Variants in NUP188 observed in about 807,000 individuals in gnomAD.
NUP188 encodes nucleoporin 188, also known as nucleoporin NUP188.
A neutral mutation model predicts 223.0 loss-of-function variants in NUP188; 97 were observed. That is an observed-to-expected ratio of 0.43 (90% CI 0.37 to 0.51). NUP188 has a LOEUF of 0.51. NUP188 is among the 20% of genes least tolerant of loss of function. The pLI is 0.00. For missense variants in NUP188, 1,947 were observed against 2,175.6 expected, an observed-to-expected ratio of 0.89 and a Z score of 2.09; for synonymous variants, 869 against 828.0, an observed-to-expected ratio of 1.05 and a Z score of -0.85.
At chr9:128,963,855 C>T (rs1841990587) in intron 8 of NUP188, among the ~76,000 whole-genome samples, 1 of 151,004 alleles carries the variant, frequency 6.6e-6, no homozygotes, top group African/African-American at 2.4e-5. Context: ...CTCACACTGT[C>T]GCCCAGGGTG....
chr9:128,955,922 CA>C (rs1841862271), intron 3 of NUP188, among the ~76,000 whole-genome samples: 1 of 151,624 alleles, frequency 6.6e-6, no homozygotes, highest in Non-Finnish European at 1.5e-5. Flanking sequence ...GTATGTATGC[CA>C]CAGACCTGGT....
Position 129,006,140 on chromosome 9 carries a change from G to A in NUP188, c.4943+17G>A. On this transcript the variant is annotated intron_variant, in intron 42 of 43. Coordinates refer to ENST00000372577, the MANE Select transcript of NUP188 (RefSeq NM_015354.3). ...GACGTTAAAGTAAGTGCTCTTTCTG[G>A]GATTTGATAAGGGGCTGGGGCAGTC... The A allele has an allele frequency of 6.2e-7, 1 of 1,614,148 alleles. No individual in the cohort carries two copies. Among genetic ancestry groups the A allele is most frequent in the Non-Finnish European group, 8.5e-7 (1 of 1,180,020 alleles).
intron 6 of NUP188, among the ~76,000 whole-genome samples, chr9:128,958,445 G>A (rs898546965): frequency 1.1e-4 from 16 of 152,124 alleles, no homozygotes; most frequent in Admixed American, 7.9e-4. Context: ...GTGAGAATAA[G>A]TACATTAGTT....
chr9:128,952,207 G>A (rs1187665154), intron 2 of NUP188, among the ~76,000 whole-genome samples: 1 of 152,012 alleles, frequency 6.6e-6, no homozygotes, highest in African/African-American at 2.4e-5. Context: ...GACCAGCTTG[G>A]ACAATATGGT....
At chr9:128,995,121 C>CA in intron 29 of NUP188, 198 bp downstream of exon 29, 2 of 635,766 alleles carry the variant, frequency 3.1e-6, no homozygotes, top group Non-Finnish European at 5.5e-6. Flanking sequence ...TATTGTGAAG[C>CA]AAACTCCATG....
intron 32 of NUP188, 143 bp downstream of exon 32, chr9:128,998,766 G>GGT (rs1842577544): frequency 1.5e-6 from 1 of 683,550 alleles, no homozygotes; most frequent in African/African-American, 1.7e-5. Context: ...CAGATAGGAG[G>GGT]GTGAGGCAGA....
intron 24 of NUP188, among the ~76,000 whole-genome samples, chr9:128,988,758 G>C (rs1428330672): frequency 1.9e-5 from 2 of 108,054 alleles, no homozygotes; most frequent in Non-Finnish European, 3.5e-5. Context: ...AGACAGTCTA[G>C]CTCTGTTGCC....
At chr9:128,950,351 C>G (rs977307730) in intron 2 of NUP188, among the ~76,000 whole-genome samples, 1 of 151,776 alleles carries the variant, frequency 6.6e-6, no homozygotes, top group South Asian at 2.1e-4. Context: ...TCTCAAGGAG[C>G]TGGGGATTAC....
At chr9:128,949,106 G>A (rs1233361752) in intron 1 of NUP188, 83 bp from the exon 2 acceptor site, 4 of 984,214 alleles carry the variant, frequency 4.1e-6, no homozygotes, top group Non-Finnish European at 4.7e-6. Context: ...TGCTTTTAGA[G>A]AGCAGACAAA....
Position 128,963,706 on chromosome 9 carries a change from A to C in NUP188, c.585+4572A>C, listed in dbSNP as rs566007749. Among the ~76,000 whole-genome samples the C allele has an allele frequency of 2.0e-5, 3 of 149,620 alleles. No homozygotes were observed. In the South Asian group the frequency reaches 6.3e-4, roughly 32 times the overall value. On this transcript the variant is annotated intron_variant, in intron 8 of 43. Coordinates refer to ENST00000372577, the MANE Select transcript of NUP188 (RefSeq NM_015354.3). ...GTTTGTTTTGAGATAGGGTCTTGCTATTTTGCCCAAATTGGCCTTGAACTC... is the reference window on the plus strand; with the variant it reads ...GTTTGTTTTGAGATAGGGTCTTGCTCTTTTGCCCAAATTGGCCTTGAACTC...
In NUP188 at chr9:128,984,965, A is replaced by C. The variant is rs1201200790; in HGVS notation, c.2027A>C (p.Glu676Ala). Residue 676 changes from glutamate (E) to alanine (A), a missense_variant, in exon 20 of 44, where the codon GAG becomes GCG. By Grantham distance (107) the Glu-to-Ala change is moderately radical. This residue lies in a region of NUP188 where 817 missense variants were observed against 865.8 expected (regional missense o/e 0.94). Coordinates refer to ENST00000372577, the MANE Select transcript of NUP188 (RefSeq NM_015354.3). ...ATGAACAGTGAACAGCCTCAGGGCG[A>C]GTATGGGGTTACTATTGCCTTTCTG... is the stretch of plus-strand genomic sequence containing the variant. The part of the protein sequence containing the change: ...LLMNSEQPQG[E>A]YGVTIAFLRL... 12 of 1,613,688 alleles carry C rather than the reference A, an allele frequency of 7.4e-6. No homozygotes were observed. Among genetic ancestry groups the C allele is most frequent in the Admixed American group, 1.7e-5 (1 of 59,952 alleles).
chr9:128,964,440 C>T (rs2131149277), intron 8 of NUP188, among the ~76,000 whole-genome samples: 1 of 151,160 alleles, frequency 6.6e-6, no homozygotes, highest in African/African-American at 2.4e-5. Flanking sequence ...TGGTTCACTG[C>T]AGCCTCGACC....
chr9:129,001,628 A>C lies in NUP188; in HGVS notation c.3943A>C (p.Thr1315Pro), dbSNP rs770042418. 5.6e-6 allele frequency: 9 copies of C among 1,613,334 alleles called. No individual in the cohort carries two copies. Among genetic ancestry groups the C allele is most frequent in the Non-Finnish European group, 7.6e-6 (9 of 1,179,858 alleles). The change falls in exon 35 of 44, where the codon ACC (threonine) becomes CCC (proline). Residue 1315 changes from threonine (T) to proline (P), a missense_variant. Physicochemically the swap from Thr to Pro is conservative, Grantham distance 38. Transcript: ENST00000372577. ...AACCCGCAGGCTCCCCATCCTACCC[A>C]CCCTCCTCACCACTCTAGAGGTGAG... Reference protein sequence around the residue: ...QVTRRLPILPTLLTTLEVSLR... With the variant: ...QVTRRLPILPPLLTTLEVSLR...
chr9:128,962,558 C>T (rs1396863993), intron 8 of NUP188, among the ~76,000 whole-genome samples: 1 of 151,994 alleles, frequency 6.6e-6, no homozygotes, highest in Non-Finnish European at 1.5e-5. Flanking sequence ...ACACCATATT[C>T]TTGAGTATAA....
intron 11 of NUP188, 32 bp from the exon 12 acceptor site, chr9:128,973,128 A>T (rs1199055223): frequency 4.9e-6 from 7 of 1,432,540 alleles, no homozygotes; most frequent in Non-Finnish European, 5.9e-6. Context: ...TGTATTACTC[A>T]GAATGATTCA....
At chr9:128,963,458 G>T (rs1841982784) in intron 8 of NUP188, among the ~76,000 whole-genome samples, 1 of 151,466 alleles carries the variant, frequency 6.6e-6, no homozygotes, top group African/African-American at 2.4e-5. Flanking sequence ...GCTAATTTTT[G>T]TATTTTTAAT....
intron 38 of NUP188, chr9:129,003,990 A>T (rs1277959501): frequency 4.7e-6 from 1 of 211,142 alleles, no homozygotes; most frequent in Non-Finnish European, 9.3e-6. Context: ...AAAAAAAAAA[A>T]AAATGGCCGG....
At position 128,984,939 on chromosome 9, in the gene NUP188, G is replaced by C. The variant is rs377473191; in HGVS notation, c.2001G>C (p.Leu667Phe). The change falls in exon 20 of 44, where the codon TTG (leucine) becomes TTC (phenylalanine). Residue 667 changes from leucine to phenylalanine, a missense_variant. By Grantham distance (22) the Leu-to-Phe change is conservative (BLOSUM62 0). Transcript: ENST00000372577. ...GMNAGGYGNL[L>F]MNSEQPQGEY... ...ATGCTGGAGGGTACGGAAACCTCTTGATGAACAGTGAACAGCCTCAGGGCG... is the reference window on the plus strand; with the variant it reads ...ATGCTGGAGGGTACGGAAACCTCTTCATGAACAGTGAACAGCCTCAGGGCG... 3.5e-5 allele frequency: 57 copies of C among 1,613,864 alleles called. No individual in the cohort carries two copies. The African/African-American group carries it at 6.5e-4, about 18-fold the overall frequency.
chr9:128,964,559 G>C (rs1210840973), intron 8 of NUP188, among the ~76,000 whole-genome samples: 1 of 146,204 alleles, frequency 6.8e-6, no homozygotes, highest in Non-Finnish European at 1.5e-5. Flanking sequence ...TTTTTGTAGA[G>C]ATGGTTTTGC....
Sources: gnomAD v4.1 joint callset for allele counts (sites outside exome capture counted in the v4.1 genomes callset) on GRCh38, gnomAD v4.1.1 for gene constraint, gnomAD v4.1.1 regional missense constraint, MANE v1.5 for transcripts, NCBI Gene and HGNC (gene_info 2026-07-23, HGNC 2026-07-21) for gene names.